The following TENM2 variants were observed in gnomAD, a reference collection of about 807,000 sequenced individuals.
TENM2 encodes teneurin transmembrane protein 2.
In TENM2, 52 loss-of-function variants were observed where a neutral mutation model predicts 245.2. The observed-to-expected ratio is 0.21, with a 90% CI of 0.17 to 0.27. TENM2 has a LOEUF of 0.27. TENM2 is among the 10% of genes least tolerant of loss of function. TENM2 has a pLI of 1.00. For synonymous variants in TENM2, 1,363 were observed against 1,438.9 expected (o/e 0.95, Z 1.19); for missense variants, 3,046 against 3,666.8 (o/e 0.83, Z 4.37).
chr5:167,594,722 T>C (rs965503607), intron 2 of TENM2, among the ~76,000 whole-genome samples: 8 of 152,222 alleles, frequency 5.3e-5, no homozygotes, highest in African/African-American at 1.9e-4. Flanking sequence ...GAGAGGATTG[T>C]GCACTTTGGT....
chr5:167,931,073 A>C (rs1778245475), intron 3 of TENM2, among the ~76,000 whole-genome samples: 1 of 152,222 alleles, frequency 6.6e-6, no homozygotes, highest in African/African-American at 2.4e-5. Context: ...GAAATAAGAT[A>C]ACACCCTTTG....
chr5:167,872,484 AAAAGAAAGAAAGAAAG>A (rs377717879), intron 2 of TENM2, among the ~76,000 whole-genome samples: 16 of 99,758 alleles, frequency 1.6e-4, no homozygotes, highest in Non-Finnish European at 1.8e-4. Context: ...GAAAGAAAGA[AAAAGAAAGAAAGAAAG>A]AAAGAAAGAA....
chr5:167,973,403 T>G (rs1224988919), intron 4 of TENM2, among the ~76,000 whole-genome samples: 1 of 152,204 alleles, frequency 6.6e-6, no homozygotes. Flanking sequence ...AGCCAACATT[T>G]GTAGGGGCCC....
chr5:167,748,497 G>C (rs150498944), intron 2 of TENM2, among the ~76,000 whole-genome samples: 15 of 152,142 alleles, frequency 9.9e-5, no homozygotes, highest in African/African-American at 3.6e-4. Context: ...TCTCACCTCA[G>C]CCTCTTCAGT....
At chr5:167,062,962 A>G in the TENM2 span, among the ~76,000 whole-genome samples, 3 of 152,220 alleles carry the variant, frequency 2.0e-5, no homozygotes, top group African/African-American at 7.2e-5. Flanking sequence ...GCCAAAATTC[A>G]ACCTTCTTCT....
chr5:168,165,468 T>C (rs1264069983), intron 13 of TENM2, among the ~76,000 whole-genome samples: 1 of 152,068 alleles, frequency 6.6e-6, no homozygotes, highest in African/African-American at 2.4e-5. Context: ...GAGGAAACTC[T>C]GGGGGACTGT....
At chr5:167,823,004 G>A (rs1382409445) in intron 2 of TENM2, among the ~76,000 whole-genome samples, 1 of 152,046 alleles carries the variant, frequency 6.6e-6, no homozygotes, top group Non-Finnish European at 1.5e-5. Context: ...GAGATCTTTG[G>A]AAAAAAATAG....
Position 168,218,203 on chromosome 5 carries a change from C to T in TENM2, c.4312C>T (p.Leu1438Phe). Reference sequence around the variant, plus strand: ...GTATGTTCTAGAGAACAATGTCATCCTTCGAATCACCGAGAACCACCAAGT... The same window carrying T: ...GTATGTTCTAGAGAACAATGTCATCTTTCGAATCACCGAGAACCACCAAGT... The change falls in exon 23 of 29, where the codon CTT becomes TTT. Residue 1438 changes from leucine (L) to phenylalanine (F), a missense_variant. Coordinates refer to ENST00000518659, the Ensembl canonical transcript of TENM2. The surrounding 1 kb of genome is among the most constrained non-coding windows in gnomAD (Gnocchi z 5.2). The T allele has an allele frequency of 6.2e-7, 1 of 1,613,896 alleles. No individual in the cohort carries two copies. Among genetic ancestry groups the T allele is most frequent in the Non-Finnish European group, 8.5e-7 (1 of 1,179,864 alleles).
chr5:168,103,159 G>A (rs943723507), intron 9 of TENM2, among the ~76,000 whole-genome samples: 1 of 151,540 alleles, frequency 6.6e-6, no homozygotes, highest in Non-Finnish European at 1.5e-5. Flanking sequence ...GCGATAGTTT[G>A]CTGAGAATGA....
chr5:167,181,161 T>C, the TENM2 span, among the ~76,000 whole-genome samples: 1 of 152,036 alleles, frequency 6.6e-6, no homozygotes, highest in African/African-American at 2.4e-5. Context: ...AAAGATTTTG[T>C]AGAAAATTTC....
chr5:167,971,246 G>C (rs1781754306), intron 4 of TENM2, among the ~76,000 whole-genome samples: 1 of 121,378 alleles, frequency 8.2e-6, no homozygotes. Context: ...GAGATAAAGG[G>C]AGGCAGAGAG....
intron 2 of TENM2, among the ~76,000 whole-genome samples, chr5:167,645,971 A>C (rs1003263002): frequency 6.6e-6 from 1 of 151,632 alleles, no homozygotes; most frequent in Non-Finnish European, 1.5e-5. Flanking sequence ...TAATAAAATG[A>C]GAATAAATAT....
chr5:167,214,153 C>T, the TENM2 span, among the ~76,000 whole-genome samples: 6 of 152,282 alleles, frequency 3.9e-5, no homozygotes, highest in Admixed American at 2.6e-4. Context: ...CTGAAACTGT[C>T]GTGTGATGGT....
intron 27 of TENM2, among the ~76,000 whole-genome samples, chr5:168,254,146 G>T (rs1001117341): frequency 6.6e-6 from 1 of 152,256 alleles, no homozygotes; most frequent in African/African-American, 2.4e-5. Flanking sequence ...GGGAGAACGC[G>T]CTTTGGCGGT....
chr5:167,737,269 C>T (rs1760868700), intron 2 of TENM2, among the ~76,000 whole-genome samples: 2 of 152,322 alleles, frequency 1.3e-5, no homozygotes, highest in South Asian at 4.2e-4. Flanking sequence ...CATACAGAGG[C>T]TGGCTGCTCA....
At chr5:167,200,096 T>C in the TENM2 span, among the ~76,000 whole-genome samples, 1 of 152,046 alleles carries the variant, frequency 6.6e-6, no homozygotes, top group African/African-American at 2.4e-5. Context: ...CAAAAGACAA[T>C]GATTGAATGT....
At chr5:167,597,847 A>G (rs1776329408) in intron 2 of TENM2, among the ~76,000 whole-genome samples, 1 of 152,184 alleles carries the variant, frequency 6.6e-6, no homozygotes, top group African/African-American at 2.4e-5. Flanking sequence ...ACATACACAC[A>G]TGTGCATGCA....
At chr5:167,851,997 T>A (rs1770627051) in intron 2 of TENM2, among the ~76,000 whole-genome samples, 1 of 152,198 alleles carries the variant, frequency 6.6e-6, no homozygotes, top group Admixed American at 6.5e-5. Flanking sequence ...TCACACTCCT[T>A]AATTCTCTCC....
chr5:167,785,948 A>T (rs1322001029), intron 2 of TENM2, among the ~76,000 whole-genome samples: 1 of 152,194 alleles, frequency 6.6e-6, no homozygotes, highest in Non-Finnish European at 1.5e-5. Context: ...TAGCCAAATG[A>T]AACATATTTA....
Sources: gnomAD v4.1 joint callset for allele counts (sites outside exome capture counted in the v4.1 genomes callset) on GRCh38, gnomAD v4.1.1 for gene constraint, Gnocchi (gnomAD v3.1) non-coding constraint, MANE v1.5 for transcripts, NCBI Gene and HGNC (gene_info 2026-07-23, HGNC 2026-07-21) for gene names.